The following ZNF704 variants were observed in gnomAD, a reference collection of about 807,000 sequenced individuals.
The protein encoded by ZNF704 is glucocorticoid induced gene 1.
Under a neutral mutation model 44.7 loss-of-function variants are expected in ZNF704, and 10 were observed. The ratio of observed to expected loss-of-function variants is 0.22; its 90% confidence interval spans 0.14 to 0.38. The LOEUF is 0.38. Among genes scored for constraint, ZNF704 ranks in the 10% least tolerant of loss-of-function variants. The pLI, the probability that ZNF704 is intolerant of heterozygous loss-of-function variation, is 1.00. For synonymous variants in ZNF704, 211 were observed against 207.6 expected (o/e 1.02, Z -0.14); for missense variants, 390 against 545.5 (o/e 0.71, Z 2.84).
At chr8:80,829,093 CAAAT>C (rs1272603659) in intron 1 of ZNF704, among the ~76,000 whole-genome samples, 2 of 152,112 alleles carry the variant, frequency 1.3e-5, no homozygotes, top group Non-Finnish European at 2.9e-5. Flanking sequence ...TTAATGAAAT[CAAAT>C]AAAGATAAAA....
rs1818169232 is a variant in ZNF704 at position 80,665,087 on chromosome 8, T to C, written c.660-5A>G. ...TAGTCAGAGTCTCCAACGCGCCTAA[T>C]GCAAAAGAGAGTAAAACAATCATAC... is the stretch of plus-strand genomic sequence containing the variant. On this transcript the variant is annotated splice_polypyrimidine_tract_variant and splice_region_variant and intron_variant, in intron 5 of 8. Coordinates refer to ENST00000327835, the MANE Select transcript of ZNF704 (RefSeq NM_001033723.3). 2.5e-6 allele frequency: 4 copies of C among 1,613,034 alleles called. No individual in the cohort carries two copies. The highest frequency in any genetic ancestry group is 3.4e-6 in the Non-Finnish European group (4 of 1,179,108).
chr8:80,665,055 A>G lies in ZNF704; in HGVS notation c.687T>C (p.Asp229=), dbSNP rs746976805. ...CAGTGTAGTAAAAGTCCTCTTCTCCATCACTGTAGTCAGAGTCTCCAACGC... is the reference window on the plus strand; with the variant it reads ...CAGTGTAGTAAAAGTCCTCTTCTCCGTCACTGTAGTCAGAGTCTCCAACGC... ...LGRVGDSDYS[D]GEEDFYYTEI... The change falls in exon 6 of 9, where the codon GAT becomes GAC. Residue 229 remains aspartate (D), a synonymous_variant. Transcript: ENST00000327835. 11 of 1,614,118 alleles carry G rather than the reference A, an allele frequency of 6.8e-6. No individual in the cohort carries two copies. In the South Asian group the frequency reaches 1.1e-4, roughly 16 times the overall value.
intron 4 of ZNF704, among the ~76,000 whole-genome samples, chr8:80,674,308 T>C (rs1781922054): frequency 6.6e-6 from 1 of 152,194 alleles, no homozygotes; most frequent in Admixed American, 6.5e-5. Flanking sequence ...ATTCAAAGCA[T>C]ATAACTTAAC....
chr8:80,767,965 A>G (rs1807256025), intron 2 of ZNF704, among the ~76,000 whole-genome samples: 1 of 152,206 alleles, frequency 6.6e-6, no homozygotes, highest in Non-Finnish European at 1.5e-5. Context: ...TGAACAGTTT[A>G]GTTCACTTGA....
At chr8:80,831,144 A>C (rs1359239239) in intron 1 of ZNF704, among the ~76,000 whole-genome samples, 1 of 152,192 alleles carries the variant, frequency 6.6e-6, no homozygotes, top group Admixed American at 6.5e-5. Context: ...TCTTAAAAAC[A>C]AAACCAAAGA....
rs1169913662 is a variant in ZNF704 at position 80,822,270 on chromosome 8, CCCG to C, written c.-21-658_-21-656del. 1.0e-3 allele frequency among the ~76,000 whole-genome samples: 146 copies of C among 144,186 alleles called. 2 individuals carry two copies. Among genetic ancestry groups the C allele is most frequent in the African/African-American group, 4.0e-3 (141 of 35,266 alleles). The allele number at this position is 144,186 out of a possible 152,430, so 94.6% of individuals were successfully genotyped here. The stretch of plus-strand genomic sequence containing the variant: ...TATCTCCTAATGCTATCCCTTCCCC[CCCG>C]CCCCCAACCCATGACAGGCCCCGGT... On this transcript the variant is annotated intron_variant, in intron 1 of 8. Coordinates refer to ENST00000327835, the MANE Select transcript of ZNF704 (RefSeq NM_001033723.3).
intron 2 of ZNF704, among the ~76,000 whole-genome samples, chr8:80,745,414 T>C (rs1489366132): frequency 1.3e-5 from 2 of 152,104 alleles, no homozygotes; most frequent in Non-Finnish European, 2.9e-5. Context: ...GCTGTGGCAA[T>C]TATGCAGCTA....
chr8:80,760,866 C>G (rs1473213061), intron 2 of ZNF704, among the ~76,000 whole-genome samples: 4 of 151,946 alleles, frequency 2.6e-5, no homozygotes, highest in African/African-American at 9.7e-5. Context: ...ATGGCCACAG[C>G]AGAAGCAAGA....
At chr8:80,775,213 C>G (rs1807391214) in intron 2 of ZNF704, among the ~76,000 whole-genome samples, 1 of 152,200 alleles carries the variant, frequency 6.6e-6, no homozygotes, top group African/African-American at 2.4e-5. Context: ...CATCAAACAT[C>G]TTGGTTATAA....
intron 6 of ZNF704, among the ~76,000 whole-genome samples, chr8:80,662,610 G>A (rs1377563308): frequency 6.6e-6 from 1 of 152,126 alleles, no homozygotes; most frequent in Non-Finnish European, 1.5e-5. Context: ...TGCTAAATAA[G>A]TGGCTAAATT....
At chr8:80,867,715 G>A (rs535733399) in intron 1 of ZNF704, among the ~76,000 whole-genome samples, 1 of 152,278 alleles carries the variant, frequency 6.6e-6, no homozygotes, top group Admixed American at 6.5e-5. Flanking sequence ...AGTGTTTGCT[G>A]CACAGTTCCT....
In ZNF704 at chr8:80,692,987, C is replaced by T; in HGVS notation, c.325+17G>A. ...GTGTCAAGGGGCCCTTCCCTAAGTC[C>T]CATATCCTGGGCTTACCGTTCGGCC... On this transcript the variant is annotated intron_variant, in intron 3 of 8. Transcript: ENST00000327835. 4 of 1,612,878 alleles carry T rather than the reference C, an allele frequency of 2.5e-6. No homozygotes were observed. The South Asian group carries it at 4.4e-5, about 18-fold the overall frequency.
At chr8:80,644,476 T>C (rs1817795955) in intron 7 of ZNF704, among the ~76,000 whole-genome samples, 3 of 152,198 alleles carry the variant, frequency 2.0e-5, no homozygotes, top group Admixed American at 2.0e-4. Context: ...TATAAAAACT[T>C]CCTCTTTAAC....
intron 2 of ZNF704, among the ~76,000 whole-genome samples, chr8:80,727,744 C>T (rs1204619669): frequency 6.6e-6 from 1 of 152,150 alleles, no homozygotes; most frequent in Non-Finnish European, 1.5e-5. Flanking sequence ...TTCTGGAGAG[C>T]TCCTTCCAGC....
chr8:80,684,227 T>A (rs912145474), intron 4 of ZNF704, among the ~76,000 whole-genome samples: 3 of 152,220 alleles, frequency 2.0e-5, no homozygotes, highest in African/African-American at 7.2e-5. Flanking sequence ...AATTGTATTA[T>A]CTCTTTATAA....
chr8:80,693,619 T>G (rs753526527), intron 2 of ZNF704, among the ~76,000 whole-genome samples: 16 of 152,042 alleles, frequency 1.1e-4, no homozygotes, highest in Non-Finnish European at 1.8e-4. Context: ...AGGTGAACTG[T>G]GAAGGTCAGG....
At chr8:80,667,016 G>A (rs1479968200) in intron 5 of ZNF704, among the ~76,000 whole-genome samples, 1 of 152,156 alleles carries the variant, frequency 6.6e-6, no homozygotes, top group Non-Finnish European at 1.5e-5. Context: ...GTGGCCAGAG[G>A]AAGCCTCTCT....
chr8:80,800,129 G>A (rs1047920777), intron 2 of ZNF704, among the ~76,000 whole-genome samples: 13 of 152,044 alleles, frequency 8.6e-5, no homozygotes, highest in Admixed American at 5.3e-4. Flanking sequence ...AAAAAATAAC[G>A]AAAAAGAATA....
rs75261236 is a variant in ZNF704, at chr8:80,661,006, C to T, written c.928-1317G>A. Among the ~76,000 whole-genome samples, 5 of 152,254 alleles carry T rather than the reference C, an allele frequency of 3.3e-5. No individual in the cohort carries two copies. The East Asian group carries it at 9.6e-4, about 29-fold the overall frequency. The stretch of plus-strand genomic sequence containing the variant: ...AAGAAACAATCAACAGCGTGAAGAG[C>T]AACCTGTTGAATGTGAGAAAATATC... On this transcript the variant is annotated intron_variant, in intron 6 of 8. Coordinates refer to ENST00000327835, the MANE Select transcript of ZNF704 (RefSeq NM_001033723.3).
Sources: allele counts gnomAD v4.1 joint callset (sites outside exome capture counted in the v4.1 genomes callset), GRCh38; gene constraint gnomAD v4.1.1; transcripts MANE v1.5; gene names NCBI Gene and HGNC (gene_info 2026-07-23, HGNC 2026-07-21).